Variants in SCN3A observed in about 807,000 individuals in gnomAD.
The protein encoded by SCN3A is sodium voltage-gated channel alpha subunit 3.
Under a neutral mutation model 187.6 loss-of-function variants are expected in SCN3A, and 60 were observed. That is an observed-to-expected ratio of 0.32 (90% CI 0.26 to 0.40). The LOEUF (loss-of-function observed/expected upper bound fraction) is 0.40. Ranked by LOEUF, SCN3A falls within the 10% of genes least tolerant of loss-of-function variation. SCN3A has a pLI of 1.00. For synonymous variants in SCN3A, 788 were observed against 829.2 expected (o/e 0.95, Z 0.85); for missense variants, 1,601 against 2,428.2 (o/e 0.66, Z 7.16).
chr2:165,164,916 T>C (rs1223500539), intron 5 of SCN3A, among the ~76,000 whole-genome samples: 1 of 152,212 alleles, frequency 6.6e-6, no homozygotes, highest in Non-Finnish European at 1.5e-5. Flanking sequence ...TTTTTTATAC[T>C]GCATTTTATT....
intron 21 of SCN3A, among the ~76,000 whole-genome samples, chr2:165,101,571 A>C (rs900125414): frequency 6.6e-6 from 1 of 152,174 alleles, no homozygotes; most frequent in Non-Finnish European, 1.5e-5. Context: ...CTTCATCTGA[A>C]TCATAGGGCA....
chr2:165,140,797 C>A lies in SCN3A; in HGVS notation c.1873G>T (p.Val625Phe). 6.2e-7 allele frequency: 1 copy of A among 1,614,136 alleles called. No individual in the cohort carries two copies. Among genetic ancestry groups the A allele is most frequent in the Non-Finnish European group, 8.5e-7 (1 of 1,180,012 alleles). Reference sequence around the variant, plus strand: ...CTGGATGACATACTGGCCTGACTAACGTTACTGTTGCGTCGCTCTCCATGT... The same window carrying A: ...CTGGATGACATACTGGCCTGACTAAAGTTACTGTTGCGTCGCTCTCCATGT... ...HRHGERRNSN[V>F]SQASMSSRMV... is the part of the protein sequence containing the mutation. The change falls in exon 13 of 28, where the codon GTT becomes TTT. Residue 625 changes from valine (V) to phenylalanine (F), a missense_variant. Coordinates refer to ENST00000283254, the MANE Select transcript of SCN3A (RefSeq NM_006922.4). This position sits in a 1 kb window ranked among gnomAD's most constrained non-coding sequence, Gnocchi z 4.2.
At chr2:165,096,660 A>G in intron 23 of SCN3A, 140 bp from the exon 24 acceptor site, 1 of 588,234 alleles carries the variant, frequency 1.7e-6, no homozygotes, top group Non-Finnish European at 3.0e-6. Flanking sequence ...TTGAAATAAA[A>G]TTGAAATAGA....
intron 2 of SCN3A, among the ~76,000 whole-genome samples, chr2:165,186,200 G>A (rs34264708): frequency 0.24 from 36,658 of 151,852 alleles, 5,451 homozygotes; most frequent in East Asian, 0.52. Context: ...AACCCGGGAG[G>A]CAGAGCTTGC....
intron 5 of SCN3A, 142 bp downstream of exon 5, chr2:165,168,594 A>T (rs1488039240): frequency 2.9e-5 from 20 of 690,130 alleles, no homozygotes; most frequent in Non-Finnish European, 5.3e-5. Flanking sequence ...TCCCCCAAAG[A>T]ACTTCCCTTA....
chr2:165,095,916 C>T (rs1574098879), intron 24 of SCN3A, among the ~76,000 whole-genome samples: 1 of 152,006 alleles, frequency 6.6e-6, no homozygotes, highest in Non-Finnish European at 1.5e-5. Context: ...GCAGGGAAAA[C>T]ATTTTGAGCC....
At position 165,100,467 on chromosome 2, in the gene SCN3A, A is replaced by G. The variant is rs370283769; in HGVS notation, c.3844-43T>C. The G allele has an allele frequency of 5.5e-5, 87 of 1,593,956 alleles. 2 individuals are homozygous for G. The South Asian group carries it at 5.9e-4, about 11-fold the overall frequency. ...AATTAATTAGTTCACCAAGAAATAA[A>G]CTGTTGACTGAAGGTATAGGGTGTG... On this transcript the variant is annotated intron_variant, in intron 21 of 27. Coordinates refer to ENST00000283254, the MANE Select transcript of SCN3A (RefSeq NM_006922.4).
chr2:165,161,231 A>G (rs942359574), intron 9 of SCN3A, among the ~76,000 whole-genome samples: 1 of 135,544 alleles, frequency 7.4e-6, no homozygotes, highest in Admixed American at 8.5e-5. Context: ...ACAATTGTCC[A>G]TGTGATAGTT....
intron 18 of SCN3A, among the ~76,000 whole-genome samples, chr2:165,118,004 A>G (rs1037125154): frequency 2.0e-5 from 3 of 152,198 alleles, no homozygotes; most frequent in Admixed American, 6.5e-5. Flanking sequence ...CCTTTACAGC[A>G]CAAGTCCTAA....
intron 1 of SCN3A, among the ~76,000 whole-genome samples, chr2:165,203,056 T>A (rs1051810974): frequency 6.6e-6 from 1 of 151,894 alleles, no homozygotes; most frequent in African/African-American, 2.4e-5. Context: ...CCAGTGGTTC[T>A]TCCTGGTAAT....
At chr2:165,099,665 T>C (rs535984670) in intron 22 of SCN3A, among the ~76,000 whole-genome samples, 5 of 152,166 alleles carry the variant, frequency 3.3e-5, no homozygotes, top group East Asian at 1.9e-4. Context: ...TGCAGTGAGC[T>C]GAGATCGCAC....
At chr2:165,091,935 C>A in intron 27 of SCN3A, 1 of 404,076 alleles carries the variant, frequency 2.5e-6, no homozygotes, top group Non-Finnish European at 4.6e-6. Context: ...AACTTTATTG[C>A]ATTACAATGA....
intron 25 of SCN3A, 123 bp downstream of exon 25, chr2:165,095,387 TG>T: frequency 1.0e-6 from 1 of 1,004,064 alleles, no homozygotes; most frequent in Non-Finnish European, 1.5e-6. Flanking sequence ...AATAACCACA[TG>T]GGCAACTGAA....
chr2:165,154,420 A>G, intron 11 of SCN3A, 32 bp downstream of exon 11: 1 of 1,604,388 alleles, frequency 6.2e-7, no homozygotes. Flanking sequence ...TAATAATAAT[A>G]ATGATAAATC....
rs971780653 is a variant in SCN3A at position 165,127,584 on chromosome 2, C to G, written c.3393+47G>C. On this transcript the variant is annotated intron_variant, in intron 18 of 27. Coordinates refer to ENST00000283254, the MANE Select transcript of SCN3A (RefSeq NM_006922.4). ...ATGAAAATAGTAAATAACTGTAGTACATGGTTATCATAGGAAATGGAACAA... is the reference window on the plus strand; with the variant it reads ...ATGAAAATAGTAAATAACTGTAGTAGATGGTTATCATAGGAAATGGAACAA... 4 of 1,423,860 alleles carry G rather than the reference C, an allele frequency of 2.8e-6. No individual in the cohort carries two copies. In the African/African-American group the frequency reaches 5.6e-5, roughly 20 times the overall value. The allele number at this position is 1,423,860 out of a possible 1,614,324, so 88.2% of individuals were successfully genotyped here.
intron 14 of SCN3A, among the ~76,000 whole-genome samples, 193 bp from the exon 15 acceptor site, chr2:165,138,310 C>CT (rs2105802529): frequency 6.6e-6 from 1 of 152,186 alleles, no homozygotes; most frequent in South Asian, 2.1e-4. Flanking sequence ...TATAGATCGA[C>CT]TTTTTTCTCT....
Position 165,090,135 on chromosome 2 carries a change from ATTCT to A in SCN3A, c.*11_*14del, listed in dbSNP as rs576120681. 1.9e-4 allele frequency: 297 copies of A among 1,560,090 alleles called. No individual in the cohort carries two copies. Among genetic ancestry groups the A allele is most frequent in the East Asian group, 5.1e-4 (22 of 42,818 alleles). ...CTGTAAACAATTGATCACAAAGATA[ATTCT>A]TTGTTTCTTTTTACTTTTGATTTTC... On this transcript the variant is annotated 3_prime_UTR_variant, in exon 28 of 28. Coordinates refer to ENST00000283254, the MANE Select transcript of SCN3A (RefSeq NM_006922.4). This position sits in a 1 kb window ranked among gnomAD's most constrained non-coding sequence, Gnocchi z 4.0.
rs1470395067 is a variant in SCN3A, at chr2:165,147,035, A to G, written c.1381-6T>C. On this transcript the variant is annotated splice_region_variant and splice_polypyrimidine_tract_variant and intron_variant, in intron 11 of 27. Transcript: ENST00000283254. Reference sequence around the variant, plus strand: ...GCTGATGCTGCCGCAACTGCCTGTCATAAAACAAAGCCAGGCACTATTTAG... The same window carrying G: ...GCTGATGCTGCCGCAACTGCCTGTCGTAAAACAAAGCCAGGCACTATTTAG... 3.1e-6 allele frequency: 5 copies of G among 1,613,942 alleles called. No individual in the cohort carries two copies. The highest frequency in any genetic ancestry group is 1.7e-5 in the Admixed American group (1 of 59,998).
At chr2:165,194,279 T>C (rs1242199860) in intron 1 of SCN3A, among the ~76,000 whole-genome samples, 1 of 152,150 alleles carries the variant, frequency 6.6e-6, no homozygotes, top group East Asian at 1.9e-4. Flanking sequence ...AATTGACCAG[T>C]TAATTTGTAG....
Sources: gnomAD v4.1 joint callset for allele counts (sites outside exome capture counted in the v4.1 genomes callset) on GRCh38, gnomAD v4.1.1 for gene constraint, Gnocchi (gnomAD v3.1) non-coding constraint, MANE v1.5 for transcripts, NCBI Gene and HGNC (gene_info 2026-07-23, HGNC 2026-07-21) for gene names.